Variants in TMEM131 observed in about 807,000 individuals in gnomAD.
The protein encoded by TMEM131 is 2610524E03Rik.
Under a neutral mutation model 211.6 loss-of-function variants are expected in TMEM131, and 66 were observed. That is an observed-to-expected ratio of 0.31 (90% CI 0.26 to 0.38). TMEM131 has a LOEUF of 0.38. Among genes scored for constraint, TMEM131 ranks in the 10% least tolerant of loss-of-function variants. TMEM131 has a pLI of 1.00. For missense variants in TMEM131, 2,036 were observed against 2,299.3 expected, an observed-to-expected ratio of 0.89 and a Z score of 2.34; for synonymous variants, 844 against 841.3, an observed-to-expected ratio of 1.00 and a Z score of -0.06.
chr2:97,955,696 C>A (rs748825064), intron 1 of TMEM131, among the ~76,000 whole-genome samples: 5 of 152,048 alleles, frequency 3.3e-5, no homozygotes, highest in Admixed American at 6.6e-5. Flanking sequence ...ACACTATATA[C>A]TAACAATGAA....
chr2:97,852,748 G>T (rs537924868), intron 5 of TMEM131, among the ~76,000 whole-genome samples: 1 of 152,362 alleles, frequency 6.6e-6, no homozygotes, highest in Non-Finnish European at 1.5e-5. Flanking sequence ...GCAGCCTTCT[G>T]TTGGAAGATA....
At position 97,867,373 on chromosome 2, in the gene TMEM131, T is replaced by TTA. The variant is rs1006811576; in HGVS notation, c.360-7948_360-7947dup. The stretch of plus-strand genomic sequence containing the variant: ...ATTTTGGGTGAGTCTCTGTTATTAG[T>TTA]TATATATATATATGTTTATAATTGT... On this transcript the variant is annotated intron_variant, in intron 4 of 40. Transcript: ENST00000186436. 7.2e-4 allele frequency among the ~76,000 whole-genome samples: 109 copies of TTA among 152,086 alleles called. 1 individual carries two copies. The East Asian group carries it at 7.5e-3, about 10-fold the overall frequency.
At position 97,792,375 on chromosome 2, in the gene TMEM131, G is replaced by A; in HGVS notation, c.4144+11C>T. 1.3e-6 allele frequency: 2 copies of A among 1,550,130 alleles called. No individual in the cohort carries two copies. Among genetic ancestry groups the A allele is most frequent in the Non-Finnish European group, 1.7e-6 (2 of 1,145,802 alleles). ...ACACATCACGGATCTCCGGCAGTGG[G>A]AGATGATTACCTTTGCTTTTTGGCA... On this transcript the variant is annotated intron_variant, in intron 31 of 40. Coordinates refer to ENST00000186436, the MANE Select transcript of TMEM131 (RefSeq NM_015348.2).
intron 1 of TMEM131, among the ~76,000 whole-genome samples, chr2:97,980,532 A>G (rs1302806743): frequency 6.6e-6 from 1 of 152,204 alleles, no homozygotes; most frequent in Non-Finnish European, 1.5e-5. Flanking sequence ...TCTTAAACAT[A>G]CAGCTACCAT....
At chr2:97,942,063 T>C (rs1677757140) in intron 1 of TMEM131, among the ~76,000 whole-genome samples, 2 of 151,968 alleles carry the variant, frequency 1.3e-5, no homozygotes, top group Non-Finnish European at 2.9e-5. Context: ...GAGCAAAGAC[T>C]TGGAACCAAC....
At chr2:97,761,615 G>A (rs1386077900) in intron 36 of TMEM131, 1 of 162,624 alleles carries the variant, frequency 6.1e-6, no homozygotes, top group Non-Finnish European at 1.3e-5. Context: ...CCAGCACAAC[G>A]GTCTTGGACC....
At chr2:97,806,652 T>A (rs1681312825) in intron 19 of TMEM131, among the ~76,000 whole-genome samples, 1 of 152,166 alleles carries the variant, frequency 6.6e-6, no homozygotes, top group Non-Finnish European at 1.5e-5. Flanking sequence ...AATTTTAAAT[T>A]AAAAAATTAA....
At chr2:97,931,001 T>A (rs994707596) in intron 1 of TMEM131, among the ~76,000 whole-genome samples, 1 of 151,926 alleles carries the variant, frequency 6.6e-6, no homozygotes, top group East Asian at 1.9e-4. Context: ...AGCAAGAAAG[T>A]GGCTAGAGAA....
At chr2:97,936,288 T>C (rs1388662731) in intron 1 of TMEM131, among the ~76,000 whole-genome samples, 1 of 152,218 alleles carries the variant, frequency 6.6e-6, no homozygotes, top group Non-Finnish European at 1.5e-5. Context: ...GTAAAAAGTG[T>C]TGACACCTTC....
intron 4 of TMEM131, among the ~76,000 whole-genome samples, chr2:97,875,258 A>T (rs1289713626): frequency 6.6e-6 from 1 of 152,104 alleles, no homozygotes; most frequent in African/African-American, 2.4e-5. Context: ...CTCCCACACA[A>T]TCTAATAGTG....
chr2:97,995,697 G>C lies in TMEM131; in HGVS notation c.-35C>G. Reference sequence around the variant, plus strand: ...CCGGGGGCCGCCGCGCTCGAGGTCCGGCGCGGCCCTTCTCGGCGAGGCGGC... The same window carrying C: ...CCGGGGGCCGCCGCGCTCGAGGTCCCGCGCGGCCCTTCTCGGCGAGGCGGC... On this transcript the variant is annotated 5_prime_UTR_variant, in exon 1 of 41. Coordinates refer to ENST00000186436, the MANE Select transcript of TMEM131 (RefSeq NM_015348.2). The C allele has an allele frequency of 5.1e-6, 6 of 1,184,850 alleles. No homozygotes were observed. The highest frequency in any genetic ancestry group is 6.3e-6 in the Non-Finnish European group (6 of 956,678). 73.4% of individuals were successfully genotyped at this position (1,184,850 alleles called of 1,614,324 possible). A position where few individuals can be genotyped will look rare whatever the true frequency, so the allele number is the denominator to read the frequency against.
At chr2:97,956,689 G>C (rs1332943272) in intron 1 of TMEM131, among the ~76,000 whole-genome samples, 2 of 127,374 alleles carry the variant, frequency 1.6e-5, no homozygotes, top group African/African-American at 6.7e-5. Flanking sequence ...GTGTAAACTA[G>C]ATTTTTTTTT....
Position 97,766,122 on chromosome 2 carries a change from G to C in TMEM131, c.4715C>G (p.Pro1572Arg). 1 of 1,613,980 alleles carries C rather than the reference G, an allele frequency of 6.2e-7. No individual in the cohort carries two copies. Among genetic ancestry groups the C allele is most frequent in the Non-Finnish European group, 8.5e-7 (1 of 1,179,860 alleles). Residue 1572 changes from proline (P) to arginine (R), a missense_variant, in exon 35 of 41, where the codon CCT becomes CGT. This residue lies in a region of TMEM131 where 1,623 missense variants were observed against 1,805.9 expected (regional missense o/e 0.90). Coordinates refer to ENST00000186436, the MANE Select transcript of TMEM131 (RefSeq NM_015348.2). ...TAAACTACTATACTTACAGCTGCCA[G>C]GTTTGTGAACTGGAACGGAATCCCA... ...PEWDSVPVHK[P>R]GSSTDSLYKL...
chr2:97,978,664 C>T (rs568045542), intron 1 of TMEM131, among the ~76,000 whole-genome samples: 1 of 152,294 alleles, frequency 6.6e-6, no homozygotes, highest in East Asian at 1.9e-4. Flanking sequence ...CATACCCAGC[C>T]CAAGCTTCAC....
chr2:97,896,267 T>A (rs1190620890), intron 3 of TMEM131, among the ~76,000 whole-genome samples: 1 of 152,052 alleles, frequency 6.6e-6, no homozygotes, highest in African/African-American at 2.4e-5. Flanking sequence ...TGTTGAGGAG[T>A]GTTTTCCTTC....
chr2:97,894,298 T>G (rs1309745434), intron 3 of TMEM131, among the ~76,000 whole-genome samples: 1 of 152,230 alleles, frequency 6.6e-6, no homozygotes, highest in African/African-American at 2.4e-5. Flanking sequence ...CAGAATAATT[T>G]GAAGTCAGGT....
intron 2 of TMEM131, among the ~76,000 whole-genome samples, chr2:97,920,914 T>A (rs993105230): frequency 1.3e-5 from 2 of 152,110 alleles, no homozygotes; most frequent in African/African-American, 4.8e-5. Context: ...CTGAAAGATT[T>A]TTAATTCTTG....
intron 32 of TMEM131, 90 bp downstream of exon 32, chr2:97,775,753 A>G: frequency 1.4e-6 from 2 of 1,407,804 alleles, no homozygotes; most frequent in Non-Finnish European, 1.9e-6. Context: ...CTTTTGTACT[A>G]AAACCAGAAT....
chr2:97,853,314 G>A (rs1485325089), intron 5 of TMEM131, among the ~76,000 whole-genome samples: 2 of 151,956 alleles, frequency 1.3e-5, no homozygotes, highest in Admixed American at 6.6e-5. Context: ...AACATTTGCA[G>A]CTGGGCACAG....
Sources: allele counts gnomAD v4.1 joint callset (sites outside exome capture counted in the v4.1 genomes callset), GRCh38; gene constraint gnomAD v4.1.1; regional missense constraint gnomAD v4.1.1; transcripts MANE v1.5; gene names NCBI Gene and HGNC (gene_info 2026-07-23, HGNC 2026-07-21).